HDLBP: variants seen among roughly 807,000 people sequenced by gnomAD.
HDLBP encodes vigilin.
A neutral mutation model predicts 137.3 loss-of-function variants in HDLBP; 30 were observed. That is an observed-to-expected ratio of 0.22 (90% CI 0.16 to 0.30). The LOEUF (loss-of-function observed/expected upper bound fraction) is 0.30, where lower values mean the gene tolerates loss of function less well. Among genes scored for constraint, HDLBP ranks in the 10% least tolerant of loss-of-function variants. The probability of loss-of-function intolerance (pLI) is 1.00; values close to 1 mark genes in which losing one functional copy is unlikely to be tolerated. For missense variants in HDLBP, 1,119 were observed against 1,667.3 expected (o/e 0.67, Z 5.73); for synonymous variants, 606 against 596.0 (o/e 1.02, Z -0.24).
chr2:241,253,264 C>T (rs192911389), intron 10 of HDLBP, 129 bp downstream of exon 10: 15 of 761,610 alleles, frequency 2.0e-5, no homozygotes, highest in Admixed American at 9.3e-5. Context: ...GAACCTATTA[C>T]TCACCCAGCT....
intron 11 of HDLBP, 139 bp from the exon 12 acceptor site, chr2:241,250,119 A>G (rs1255321532): frequency 1.1e-5 from 9 of 823,724 alleles, no homozygotes; most frequent in Non-Finnish European, 1.7e-5. Context: ...TTAGCTTCCC[A>G]AACAAAAATC....
At chr2:241,278,218 T>A (rs909905335) in intron 1 of HDLBP, among the ~76,000 whole-genome samples, 1 of 152,124 alleles carries the variant, frequency 6.6e-6, no homozygotes, top group African/African-American at 2.4e-5. Context: ...GGGGGTACAA[T>A]ATTAGAAAAA....
At position 241,264,614 on chromosome 2, in the gene HDLBP, G is replaced by A; in HGVS notation, c.77-9C>T. The A allele has an allele frequency of 6.2e-7, 1 of 1,612,104 alleles. No individual in the cohort carries two copies. The highest frequency in any genetic ancestry group is 8.5e-7 in the Non-Finnish European group (1 of 1,178,858). On this transcript the variant is annotated splice_polypyrimidine_tract_variant and intron_variant, in intron 3 of 27. Transcript: ENST00000310931. ...TGAATTTAGAGTGGCAACTGGACCA[G>A]CCAACACAGATTAAAAGGAAGCACT...
chr2:241,270,059 C>T (rs144277876), intron 1 of HDLBP, among the ~76,000 whole-genome samples: 16 of 152,160 alleles, frequency 1.1e-4, no homozygotes, highest in African/African-American at 3.4e-4. Flanking sequence ...AATGCAGTTC[C>T]GTCCATGTCA....
chr2:241,268,367 G>T, intron 2 of HDLBP, 110 bp downstream of exon 2: 1 of 653,316 alleles, frequency 1.5e-6, no homozygotes, highest in Non-Finnish European at 1.9e-6. Flanking sequence ...ACTTGAAGGT[G>T]TGATATAAAG....
chr2:241,310,282 G>A (rs902738526), intron 1 of HDLBP, among the ~76,000 whole-genome samples: 19 of 152,238 alleles, frequency 1.2e-4, no homozygotes, highest in Admixed American at 1.1e-3. Context: ...CTTCCAGAAA[G>A]AAAATGAAAA....
intron 1 of HDLBP, among the ~76,000 whole-genome samples, chr2:241,282,735 C>T (rs1053119266): frequency 6.6e-6 from 1 of 152,164 alleles, no homozygotes; most frequent in African/African-American, 2.4e-5. Flanking sequence ...ACAAACCACG[C>T]TCATACAAGG....
intron 1 of HDLBP, among the ~76,000 whole-genome samples, chr2:241,304,276 C>T (rs2149704226): frequency 6.6e-6 from 1 of 152,338 alleles, no homozygotes; most frequent in East Asian, 1.9e-4. Context: ...ATTAATAGCA[C>T]ACCAATGGCT....
intron 1 of HDLBP, among the ~76,000 whole-genome samples, chr2:241,279,461 G>A (rs1250386770): frequency 1.3e-5 from 2 of 152,166 alleles, no homozygotes; most frequent in Non-Finnish European, 2.9e-5. Flanking sequence ...AGAAAACAAC[G>A]TGGAGGAGGG....
chr2:241,287,465 G>A (rs958685679), intron 1 of HDLBP, among the ~76,000 whole-genome samples: 4 of 149,350 alleles, frequency 2.7e-5, no homozygotes, highest in African/African-American at 9.9e-5. Flanking sequence ...CTGTTGCCCA[G>A]GCTGGAGTGC....
chr2:241,246,672 G>GCAGGC, intron 16 of HDLBP, 80 bp downstream of exon 16: 1 of 1,422,726 alleles, frequency 7.0e-7, no homozygotes, highest in Non-Finnish European at 9.7e-7. Context: ...ATGACCCTGC[G>GCAGGC]TGACTCAACC....
chr2:241,235,171 C>G lies in HDLBP; in HGVS notation c.3094G>C (p.Ala1032Pro). The change falls in exon 23 of 28, where the codon GCT becomes CCT. Residue 1032 changes from alanine to proline, a missense_variant. Ala to Pro is a conservative substitution (Grantham distance 27). Around this residue, in one of 4 missense-constraint regions of HDLBP, gnomAD observed 618 missense variants for 816.7 expected, o/e 0.76. Coordinates refer to ENST00000310931, the MANE Select transcript of HDLBP (RefSeq NM_005336.6). ...GLAANLDRAK[A>P]GLLERVKELQ... The stretch of plus-strand genomic sequence containing the variant: ...TCCTTCACACGCTCCAGCAGTCCAG[C>G]CTTGGCCCGGTCCAAATTTGCAGCG... The G allele has an allele frequency of 6.2e-7, 1 of 1,614,148 alleles. No homozygotes were observed. Among genetic ancestry groups the G allele is most frequent in the Non-Finnish European group, 8.5e-7 (1 of 1,180,036 alleles).
In HDLBP at chr2:241,256,816, G is replaced by C. The variant is rs755001707; in HGVS notation, c.451-10C>G. On this transcript the variant is annotated splice_polypyrimidine_tract_variant and intron_variant, in intron 5 of 27. Coordinates refer to ENST00000310931, the MANE Select transcript of HDLBP (RefSeq NM_005336.6). ...CAACAGTTGCTGAGGCCTATAGCAA[G>C]AAGAGAATAAAAGAAAACAAGAATA... 9.3e-6 allele frequency: 15 copies of C among 1,607,802 alleles called. No individual in the cohort carries two copies. Among genetic ancestry groups the C allele is most frequent in the Non-Finnish European group, 1.3e-5 (15 of 1,174,572 alleles).
At chr2:241,300,167 A>G (rs977252563) in intron 1 of HDLBP, among the ~76,000 whole-genome samples, 1 of 152,176 alleles carries the variant, frequency 6.6e-6, no homozygotes, top group African/African-American at 2.4e-5. Context: ...GCACAGCAGC[A>G]CATCCCAAAC....
intron 4 of HDLBP, among the ~76,000 whole-genome samples, chr2:241,264,190 C>T (rs1361948901): frequency 6.6e-6 from 1 of 151,430 alleles, no homozygotes; most frequent in Non-Finnish European, 1.5e-5. Context: ...GGTGAAACCC[C>T]GTCTCTACTA....
chr2:241,291,325 A>C (rs927530051), intron 1 of HDLBP, among the ~76,000 whole-genome samples: 1 of 152,208 alleles, frequency 6.6e-6, no homozygotes, highest in African/African-American at 2.4e-5. Flanking sequence ...CGGACGAGGT[A>C]CAACACCCTC....
chr2:241,234,732 C>T (rs925231845), intron 23 of HDLBP, among the ~76,000 whole-genome samples: 10 of 152,216 alleles, frequency 6.6e-5, no homozygotes, highest in Admixed American at 2.6e-4. Flanking sequence ...ACCAGGAAGT[C>T]ATTCGCCCTT....
At chr2:241,276,527 C>T (rs529934736) in intron 1 of HDLBP, among the ~76,000 whole-genome samples, 1 of 152,106 alleles carries the variant, frequency 6.6e-6, no homozygotes, top group South Asian at 2.1e-4. Context: ...AATCTAAATA[C>T]GTGTTAACAG....
rs1262197067 is a variant in HDLBP at position 241,272,625 on chromosome 2, TGGGG to T, written c.-102-4088_-102-4085del. On this transcript the variant is annotated intron_variant, in intron 1 of 27. Transcript: ENST00000310931. The surrounding 1 kb of genome is among the most constrained non-coding windows in gnomAD (Gnocchi z 5.6). ...CGGGGGCCGCAGCCTGGGGCCCGGG[TGGGG>T]GCCGCGGCACCCGGGCCCCTCCCCC... is the stretch of plus-strand genomic sequence containing the variant. The T allele has an allele frequency of 1.5e-5, 15 of 976,548 alleles. No individual in the cohort carries two copies. The highest frequency in any genetic ancestry group is 2.4e-6 in the Non-Finnish European group (2 of 824,990). 60.5% of individuals were successfully genotyped at this position (976,548 alleles called of 1,614,324 possible).
Sources: gnomAD v4.1 joint callset for allele counts (sites outside exome capture counted in the v4.1 genomes callset) on GRCh38, gnomAD v4.1.1 for gene constraint, gnomAD v4.1.1 regional missense constraint, Gnocchi (gnomAD v3.1) non-coding constraint, MANE v1.5 for transcripts, NCBI Gene and HGNC (gene_info 2026-07-23, HGNC 2026-07-21) for gene names.